Variants in DPP10 observed in about 807,000 individuals in gnomAD.
DPP10 encodes the protein inactive dipeptidyl peptidase 10.
DPP10 carries 33 observed loss-of-function variants against 120.9 expected under a neutral mutation model. That is an observed-to-expected ratio of 0.27 (90% CI 0.21 to 0.37). The LOEUF is 0.37. Ranked by LOEUF, DPP10 falls within the 10% of genes least tolerant of loss-of-function variation. The pLI is 1.00. For missense variants in DPP10, 816 were observed against 942.8 expected (o/e 0.87, Z 1.76); for synonymous variants, 337 against 326.1 (o/e 1.03, Z -0.36).
intron 5 of DPP10, among the ~76,000 whole-genome samples, chr2:115,545,845 C>A (rs567756163): frequency 6.6e-6 from 1 of 152,210 alleles, no homozygotes; most frequent in African/African-American, 2.4e-5. Flanking sequence ...TAATGAGTTT[C>A]ACAAGATCAC....
intron 1 of DPP10, among the ~76,000 whole-genome samples, chr2:114,793,985 A>T (rs1683471066): frequency 6.6e-6 from 1 of 152,214 alleles, no homozygotes; most frequent in Non-Finnish European, 1.5e-5. Context: ...TGTCCTGCAG[A>T]CAAAGTGTGC....
intron 1 of DPP10, among the ~76,000 whole-genome samples, chr2:114,496,832 T>G (rs1682560867): frequency 6.6e-6 from 1 of 151,940 alleles, no homozygotes; most frequent in African/African-American, 2.4e-5. Context: ...AGGCCATTGT[T>G]GAGGTGACAC....
chr2:115,044,800 C>G (rs968371849), intron 1 of DPP10, among the ~76,000 whole-genome samples: 8 of 152,160 alleles, frequency 5.3e-5, no homozygotes, highest in African/African-American at 4.8e-5. Flanking sequence ...TGATAACTAT[C>G]ATTCTATTCT....
intron 3 of DPP10, among the ~76,000 whole-genome samples, chr2:115,455,624 G>A (rs2073464789): frequency 6.6e-6 from 1 of 151,976 alleles, no homozygotes; most frequent in African/African-American, 2.4e-5. Context: ...CAGATATATA[G>A]ACCAATGGAA....
At chr2:114,923,243 G>C (rs1250358344) in intron 1 of DPP10, among the ~76,000 whole-genome samples, 2 of 150,070 alleles carry the variant, frequency 1.3e-5, no homozygotes, top group Non-Finnish European at 3.0e-5. Flanking sequence ...GAGTGCAGTG[G>C]CGCAATCTGA....
intron 1 of DPP10, among the ~76,000 whole-genome samples, chr2:115,020,494 A>C (rs1330731887): frequency 6.6e-6 from 1 of 152,108 alleles, no homozygotes; most frequent in Non-Finnish European, 1.5e-5. Flanking sequence ...CTAACACTGG[A>C]GCTCCCAAAT....
chr2:115,380,009 C>T (rs922858885), intron 3 of DPP10, among the ~76,000 whole-genome samples: 16 of 152,068 alleles, frequency 1.1e-4, no homozygotes, highest in Admixed American at 3.3e-4. Flanking sequence ...TGGTGTGGTG[C>T]TGAAAAAATA....
At chr2:115,262,157 T>C (rs1056808634) in intron 1 of DPP10, among the ~76,000 whole-genome samples, 2 of 152,120 alleles carry the variant, frequency 1.3e-5, no homozygotes, top group African/African-American at 4.8e-5. Context: ...TGTCTTTTAA[T>C]AGGAAGAGGG....
intron 1 of DPP10, among the ~76,000 whole-genome samples, chr2:114,816,742 T>C (rs1257983726): frequency 1.3e-5 from 2 of 152,350 alleles, no homozygotes; most frequent in Non-Finnish European, 1.5e-5. Context: ...TTGTTTCATG[T>C]GTGAATAAAT....
chr2:115,018,738 G>A (rs1296806516), intron 1 of DPP10, among the ~76,000 whole-genome samples: 1 of 152,102 alleles, frequency 6.6e-6, no homozygotes, highest in Non-Finnish European at 1.5e-5. Flanking sequence ...GGGAGGGATA[G>A]CATTAGGAGA....
chr2:114,862,469 T>C (rs889592010), intron 1 of DPP10, among the ~76,000 whole-genome samples: 9 of 152,162 alleles, frequency 5.9e-5, no homozygotes, highest in African/African-American at 2.2e-4. Context: ...GGGAAGCTGA[T>C]GCTGACAACA....
intron 1 of DPP10, among the ~76,000 whole-genome samples, chr2:115,307,711 A>G (rs2061416491): frequency 6.6e-6 from 1 of 152,100 alleles, no homozygotes; most frequent in Non-Finnish European, 1.5e-5. Flanking sequence ...TCATCACAGC[A>G]CACACATTCT....
intron 1 of DPP10, among the ~76,000 whole-genome samples, chr2:115,011,097 A>G (rs1282402932): frequency 6.6e-6 from 1 of 152,218 alleles, no homozygotes; most frequent in East Asian, 1.9e-4. Flanking sequence ...TTCCACATAT[A>G]TGGTTACTCA....
intron 1 of DPP10, among the ~76,000 whole-genome samples, chr2:114,897,167 T>A (rs1189112027): frequency 6.6e-6 from 1 of 152,232 alleles, no homozygotes; most frequent in African/African-American, 2.4e-5. Flanking sequence ...TTTGCATCAA[T>A]GTTCATCAAG....
chr2:114,539,913 G>C (rs1007679216), intron 1 of DPP10, among the ~76,000 whole-genome samples: 1 of 152,000 alleles, frequency 6.6e-6, no homozygotes, highest in Admixed American at 6.6e-5. Flanking sequence ...TATATTCTTA[G>C]CAATATTATT....
rs115543436 is a variant in DPP10, at chr2:114,751,366, T to G, written c.60+308528T>G. On this transcript the variant is annotated intron_variant, in intron 1 of 25. Coordinates refer to ENST00000410059, the MANE Select transcript of DPP10 (RefSeq NM_020868.6). ...TTTTTACAATTTCTCCAACTACTTA[T>G]TCACACCCCAGCCACAGGTTTAAAT... Among the ~76,000 whole-genome samples, 1,146 of 152,322 alleles carry G rather than the reference T, an allele frequency of 7.5e-3. 7 individuals are homozygous for G. Among genetic ancestry groups the G allele is most frequent in the African/African-American group, 0.024 (989 of 41,582 alleles).
intron 2 of DPP10, among the ~76,000 whole-genome samples, chr2:115,334,434 A>T (rs138318848): frequency 6.6e-6 from 1 of 151,532 alleles, no homozygotes; most frequent in African/African-American, 2.4e-5. Context: ...AGGCTTCACA[A>T]TACTAAGTGA....
At chr2:115,766,310 G>GTGTGTGTGTGTGTGTGTATATA (rs1371625141) in intron 12 of DPP10, among the ~76,000 whole-genome samples, 1 of 81,738 alleles carries the variant, frequency 1.2e-5, no homozygotes, top group Non-Finnish European at 2.5e-5. Flanking sequence ...GTGTGTGTGT[G>GTGTGTGTGTGTGTGTGTATATA]TATATATATA....
At chr2:115,240,713 T>C (rs2058232135) in intron 1 of DPP10, among the ~76,000 whole-genome samples, 1 of 152,336 alleles carries the variant, frequency 6.6e-6, no homozygotes, top group South Asian at 2.1e-4. Context: ...ATTGGGGTGA[T>C]ATGGAGTCGA....
Sources: gnomAD v4.1 joint callset for allele counts (sites outside exome capture counted in the v4.1 genomes callset) on GRCh38, gnomAD v4.1.1 for gene constraint, MANE v1.5 for transcripts, NCBI Gene and HGNC (gene_info 2026-07-23, HGNC 2026-07-21) for gene names.